The following KIAA1217 variants were observed in gnomAD, a reference collection of about 807,000 sequenced individuals.
KIAA1217 encodes sickle tail protein homolog.
A neutral mutation model predicts 163.9 loss-of-function variants in KIAA1217; 88 were observed. The observed-to-expected ratio is 0.54, with a 90% confidence interval of 0.45 to 0.64. The LOEUF is 0.64. KIAA1217 is among the 30% of genes least tolerant of loss of function. The pLI, the probability that KIAA1217 is intolerant of heterozygous loss-of-function variation, is 0.00. For synonymous variants in KIAA1217, 903 were observed against 923.1 expected (o/e 0.98, Z 0.39); for missense variants, 2,372 against 2,475.0 (o/e 0.96, Z 0.88).
chr10:24,112,892 G>A (rs2131747894), intron 2 of KIAA1217, among the ~76,000 whole-genome samples: 1 of 152,082 alleles, frequency 6.6e-6, no homozygotes, highest in South Asian at 2.1e-4. Flanking sequence ...GGCCATGACT[G>A]GTGTTCTTAT....
At chr10:24,182,282 G>A (rs527568920) in intron 2 of KIAA1217, among the ~76,000 whole-genome samples, 9 of 152,178 alleles carry the variant, frequency 5.9e-5, no homozygotes, top group African/African-American at 1.4e-4. Flanking sequence ...CTAAAAATAC[G>A]AAAATTAGCT....
intron 5 of KIAA1217, among the ~76,000 whole-genome samples, chr10:24,439,548 T>C (rs1591953536): frequency 6.6e-6 from 1 of 152,062 alleles, no homozygotes; most frequent in Non-Finnish European, 1.5e-5. Flanking sequence ...ACAGATTTAC[T>C]CTCTTAAATT....
At chr10:24,096,489 C>T (rs1439592873) in intron 2 of KIAA1217, among the ~76,000 whole-genome samples, 2 of 152,282 alleles carry the variant, frequency 1.3e-5, no homozygotes, top group African/African-American at 4.8e-5. Context: ...TGTTGCATTC[C>T]TCTGCTTTAG....
intron 2 of KIAA1217, among the ~76,000 whole-genome samples, chr10:24,166,122 G>GT (rs1444758915): frequency 6.6e-6 from 1 of 151,522 alleles, no homozygotes; most frequent in Admixed American, 6.6e-5. Context: ...TGGACAAATC[G>GT]TTTTTAAAAT....
intron 1 of KIAA1217, among the ~76,000 whole-genome samples, chr10:23,993,552 G>GTTTTTTTT (rs1564594837): frequency 2.5e-5 from 1 of 39,438 alleles, no homozygotes; most frequent in African/African-American, 1.6e-4. Context: ...CCATAGCCCA[G>GTTTTTTTT]CTTTTTTTTT....
chr10:24,356,513 G>A (rs905022925), intron 2 of KIAA1217, among the ~76,000 whole-genome samples: 5 of 152,164 alleles, frequency 3.3e-5, no homozygotes, highest in South Asian at 2.1e-4. Context: ...GGAGGTTGCC[G>A]TGGTTTCAGT....
chr10:23,924,195 G>A (rs940673874), intron 1 of KIAA1217, among the ~76,000 whole-genome samples: 1 of 139,110 alleles, frequency 7.2e-6, no homozygotes, highest in African/African-American at 2.6e-5. Context: ...TAAGTTCTAG[G>A]ATACATGTGC....
At chr10:24,174,438 A>G (rs1276213825) in intron 2 of KIAA1217, among the ~76,000 whole-genome samples, 2 of 152,186 alleles carry the variant, frequency 1.3e-5, no homozygotes, top group South Asian at 2.1e-4. Flanking sequence ...ACACACACAC[A>G]CGAGTCTAAA....
chr10:23,867,252 A>G (rs372066130), intron 1 of KIAA1217, among the ~76,000 whole-genome samples: 8 of 152,024 alleles, frequency 5.3e-5, no homozygotes, highest in East Asian at 3.9e-4. Context: ...GTCTATCATT[A>G]TTGGACATTT....
chr10:24,060,124 G>C (rs533245203), intron 2 of KIAA1217, among the ~76,000 whole-genome samples: 1 of 151,464 alleles, frequency 6.6e-6, no homozygotes, highest in African/African-American at 2.4e-5. Flanking sequence ...CTTTTGCTTC[G>C]AAAACTAATT....
At chr10:24,228,749 A>G (rs1045794046) in intron 2 of KIAA1217, among the ~76,000 whole-genome samples, 1 of 152,182 alleles carries the variant, frequency 6.6e-6, no homozygotes, top group African/African-American at 2.4e-5. Flanking sequence ...CTAGCTTAAG[A>G]CTAAAATCTT....
At chr10:23,709,299 G>T (rs1398470486) in intron 1 of KIAA1217, among the ~76,000 whole-genome samples, 1 of 152,070 alleles carries the variant, frequency 6.6e-6, no homozygotes, top group South Asian at 2.1e-4. Flanking sequence ...CGAGGTGGGC[G>T]GATCACTTGA....
At chr10:24,491,286 CTTTTT>C (rs1169407580) in intron 6 of KIAA1217, among the ~76,000 whole-genome samples, 50 of 114,676 alleles carry the variant, frequency 4.4e-4, no homozygotes, top group African/African-American at 7.3e-4. Context: ...TTTTTTTTTC[CTTTTT>C]TTTTTTTTTT....
At chr10:24,173,388 A>G (rs2065722439) in intron 2 of KIAA1217, among the ~76,000 whole-genome samples, 1 of 152,184 alleles carries the variant, frequency 6.6e-6, no homozygotes, top group South Asian at 2.1e-4. Context: ...AAAGTGTAAA[A>G]ATAATAGAAA....
At chr10:24,502,697 GT>G (rs2067821970) in intron 9 of KIAA1217, among the ~76,000 whole-genome samples, 1 of 152,286 alleles carries the variant, frequency 6.6e-6, no homozygotes, top group Non-Finnish European at 1.5e-5. Flanking sequence ...AATCCAAATA[GT>G]GCTAGAAGAT....
rs548160506 is a variant in KIAA1217 at position 24,191,425 on chromosome 10, C to T, written c.-170-28201C>T. 5.9e-5 allele frequency among the ~76,000 whole-genome samples: 9 copies of T among 152,170 alleles called. No individual in the cohort carries two copies. In the South Asian group the frequency reaches 1.9e-3, roughly 32 times the overall value. On this transcript the variant is annotated intron_variant, in intron 2 of 18. Coordinates refer to the KIAA1217 transcript ENST00000376462. ...AGTACAATAGGGTGACTATAGTCAACAATAACTTAATTGTACATTTGTGTA... is the reference window on the plus strand; with the variant it reads ...AGTACAATAGGGTGACTATAGTCAATAATAACTTAATTGTACATTTGTGTA...
intron 2 of KIAA1217, among the ~76,000 whole-genome samples, chr10:24,112,188 C>A (rs2062874052): frequency 6.6e-6 from 1 of 152,180 alleles, no homozygotes. Flanking sequence ...AGTAAAACGT[C>A]ACTACATATG....
chr10:24,467,414 T>A (rs2063064161), intron 5 of KIAA1217, among the ~76,000 whole-genome samples: 1 of 152,146 alleles, frequency 6.6e-6, no homozygotes, highest in Admixed American at 6.5e-5. Context: ...GAAAAGACAG[T>A]GCCTAGCCAA....
chr10:23,815,462 G>A (rs540277124), intron 1 of KIAA1217, among the ~76,000 whole-genome samples: 2 of 152,178 alleles, frequency 1.3e-5, no homozygotes, highest in South Asian at 4.2e-4. Flanking sequence ...GGCTAACACG[G>A]TGAAACCCCG....
Sources: allele counts gnomAD v4.1 joint callset (sites outside exome capture counted in the v4.1 genomes callset), GRCh38; gene constraint gnomAD v4.1.1; transcripts MANE v1.5; gene names NCBI Gene and HGNC (gene_info 2026-07-23, HGNC 2026-07-21).